GPR158: variants seen among roughly 807,000 people sequenced by gnomAD.
GPR158 encodes metabotropic glycine receptor.
GPR158 carries 30 observed loss-of-function variants against 78.2 expected under a neutral mutation model. The observed-to-expected ratio is 0.38, with a 90% CI of 0.29 to 0.52. The LOEUF (loss-of-function observed/expected upper bound fraction) is 0.52. GPR158 is among the 20% of genes least tolerant of loss of function. The probability of loss-of-function intolerance (pLI) is 0.83; values close to 1 mark genes in which losing one functional copy is unlikely to be tolerated. For missense variants in GPR158, 1,463 were observed against 1,523.5 expected (o/e 0.96, Z 0.66); for synonymous variants, 581 against 591.1 (o/e 0.98, Z 0.25).
chr10:25,325,328 T>G (rs548700880), intron 2 of GPR158, among the ~76,000 whole-genome samples: 1 of 152,340 alleles, frequency 6.6e-6, no homozygotes, highest in South Asian at 2.1e-4. Context: ...TTATTTCACT[T>G]AGCATAATGT....
At chr10:25,266,638 T>C (rs1218397998) in intron 2 of GPR158, among the ~76,000 whole-genome samples, 1 of 152,180 alleles carries the variant, frequency 6.6e-6, no homozygotes, top group African/African-American at 2.4e-5. Flanking sequence ...GTTTCCTTTT[T>C]TTTTGTGCTG....
chr10:25,331,735 C>T (rs749651546), intron 2 of GPR158, among the ~76,000 whole-genome samples: 23 of 152,250 alleles, frequency 1.5e-4, no homozygotes, highest in Non-Finnish European at 2.6e-4. Context: ...GCTTGAGTCC[C>T]GCATGCTTTG....
At chr10:25,595,855 A>G (rs953553735) in intron 9 of GPR158, among the ~76,000 whole-genome samples, 2 of 152,240 alleles carry the variant, frequency 1.3e-5, no homozygotes, top group East Asian at 3.8e-4. Context: ...GAACTGACAT[A>G]TACACTTTAA....
At position 25,600,775 on chromosome 10, in the gene GPR158, G is replaced by A. The variant is rs980377766; in HGVS notation, c.*1501G>A. The stretch of plus-strand genomic sequence containing the variant: ...ACTTGCTCGACATGTAACATGTAAG[G>A]TCCATTTGCAAAGCAAAGCAGCCCC... On this transcript the variant is annotated 3_prime_UTR_variant, in exon 11 of 11. Coordinates refer to ENST00000376351, the MANE Select transcript of GPR158 (RefSeq NM_020752.3). The A allele has an allele frequency of 6.6e-6, 1 of 152,280 alleles. No homozygotes were observed. Among genetic ancestry groups the A allele is most frequent in the Non-Finnish European group, 1.5e-5 (1 of 68,018 alleles). The allele number at this position is 152,280 out of a possible 1,614,324, so 9.4% of individuals were successfully genotyped here.
chr10:25,328,027 A>C (rs1040249145), intron 2 of GPR158, among the ~76,000 whole-genome samples: 15 of 152,236 alleles, frequency 9.9e-5, no homozygotes, highest in Non-Finnish European at 1.6e-4. Flanking sequence ...AAAGAATGAC[A>C]GTGTTAACAG....
intron 2 of GPR158, among the ~76,000 whole-genome samples, chr10:25,320,767 TATC>T (rs751601949): frequency 7.2e-5 from 11 of 152,216 alleles, no homozygotes; most frequent in Non-Finnish European, 4.4e-5. Flanking sequence ...GAAATTAAAA[TATC>T]ATTCTGAAAA....
At chr10:25,481,310 C>T (rs1835661430) in intron 5 of GPR158, among the ~76,000 whole-genome samples, 1 of 152,094 alleles carries the variant, frequency 6.6e-6, no homozygotes, top group South Asian at 2.1e-4. Flanking sequence ...CGCTGCACGC[C>T]AAGCTGCAGT....
At chr10:25,442,001 T>A (rs1181744823) in intron 4 of GPR158, among the ~76,000 whole-genome samples, 2 of 152,160 alleles carry the variant, frequency 1.3e-5, no homozygotes, top group Non-Finnish European at 1.5e-5. Flanking sequence ...ATTAAATTCC[T>A]TGAGCTGTTT....
At chr10:25,448,624 A>G (rs1326586930) in intron 4 of GPR158, among the ~76,000 whole-genome samples, 2 of 152,216 alleles carry the variant, frequency 1.3e-5, no homozygotes, top group African/African-American at 4.8e-5. Context: ...TTTTAGGTGA[A>G]TACCTAGGAG....
At chr10:25,231,345 G>A (rs1853445787) in intron 2 of GPR158, among the ~76,000 whole-genome samples, 1 of 152,110 alleles carries the variant, frequency 6.6e-6, no homozygotes, top group Non-Finnish European at 1.5e-5. Flanking sequence ...ATTATAGGAA[G>A]CACCATTGAT....
intron 2 of GPR158, among the ~76,000 whole-genome samples, chr10:25,335,114 G>T (rs1326674418): frequency 6.6e-6 from 1 of 152,040 alleles, no homozygotes; most frequent in Non-Finnish European, 1.5e-5. Flanking sequence ...TATAAGTATG[G>T]TCAACAGATT....
chr10:25,534,833 G>T (rs918983624), intron 5 of GPR158, among the ~76,000 whole-genome samples: 1 of 152,004 alleles, frequency 6.6e-6, no homozygotes, highest in Non-Finnish European at 1.5e-5. Context: ...ACCTCAACAT[G>T]ACCATACCAT....
intron 2 of GPR158, among the ~76,000 whole-genome samples, chr10:25,250,500 C>G (rs1335549692): frequency 6.8e-6 from 1 of 146,646 alleles, no homozygotes; most frequent in Non-Finnish European, 1.5e-5. Context: ...CCCAGAGATT[C>G]TGGTATGTGG....
chr10:25,318,092 T>G (rs1282247166), intron 2 of GPR158, among the ~76,000 whole-genome samples: 1 of 152,132 alleles, frequency 6.6e-6, no homozygotes, highest in Non-Finnish European at 1.5e-5. Flanking sequence ...AGTTGTGAGA[T>G]TTCTAGTTCA....
chr10:25,523,163 G>C (rs540426508), intron 5 of GPR158, among the ~76,000 whole-genome samples: 3 of 152,164 alleles, frequency 2.0e-5, no homozygotes, highest in Non-Finnish European at 4.4e-5. Flanking sequence ...CCATGCACAA[G>C]GGTCAGATGG....
At chr10:25,413,918 A>G (rs1303013454) in intron 4 of GPR158, among the ~76,000 whole-genome samples, 1 of 152,196 alleles carries the variant, frequency 6.6e-6, no homozygotes, top group Non-Finnish European at 1.5e-5. Flanking sequence ...ACTGTGTGTT[A>G]TATAATAAAA....
intron 4 of GPR158, among the ~76,000 whole-genome samples, chr10:25,445,769 G>A (rs1835132294): frequency 6.6e-6 from 1 of 151,920 alleles, no homozygotes; most frequent in Admixed American, 6.6e-5. Context: ...GAGAGAGAGG[G>A]AGACAGACAC....
intron 4 of GPR158, among the ~76,000 whole-genome samples, chr10:25,458,030 A>T (rs573823799): frequency 3.3e-5 from 5 of 152,252 alleles, no homozygotes; most frequent in African/African-American, 1.2e-4. Context: ...CTAATTTCAC[A>T]TGTATATAAA....
At chr10:25,520,706 C>A (rs1038655964) in intron 5 of GPR158, among the ~76,000 whole-genome samples, 1 of 152,038 alleles carries the variant, frequency 6.6e-6, no homozygotes, top group Non-Finnish European at 1.5e-5. Flanking sequence ...GGTCAGGGAC[C>A]CGCTTGAGGA....
Sources: allele counts gnomAD v4.1 joint callset (sites outside exome capture counted in the v4.1 genomes callset), GRCh38; gene constraint gnomAD v4.1.1; transcripts MANE v1.5; gene names NCBI Gene and HGNC (gene_info 2026-07-23, HGNC 2026-07-21).